The following KLF12 variants were observed in gnomAD, a reference collection of about 807,000 sequenced individuals.
KLF12 encodes the protein Krueppel-like factor 12.
Under a neutral mutation model 37.8 loss-of-function variants are expected in KLF12, and 9 were observed. That is an observed-to-expected ratio of 0.24 (90% CI 0.14 to 0.42). The LOEUF is 0.42. KLF12 is among the 10% of genes least tolerant of loss of function. The pLI, the probability that KLF12 is intolerant of heterozygous loss-of-function variation, is 1.00. For synonymous variants in KLF12, 208 were observed against 202.1 expected (o/e 1.03, Z -0.25); for missense variants, 411 against 516.0 (o/e 0.80, Z 1.97).
the KLF12 span, among the ~76,000 whole-genome samples, chr13:74,237,231 T>G: frequency 7.7e-6 from 1 of 130,178 alleles, no homozygotes; most frequent in African/African-American, 3.9e-5. Context: ...TTCTGAGGTT[T>G]GTCAAAGATC....
intron 6 of KLF12, among the ~76,000 whole-genome samples, chr13:73,757,204 A>G (rs1040501592): frequency 6.6e-6 from 1 of 152,196 alleles, no homozygotes; most frequent in Non-Finnish European, 1.5e-5. Context: ...CAGAGATAAC[A>G]GCCACAAGTA....
the KLF12 span, among the ~76,000 whole-genome samples, chr13:74,225,650 A>C: frequency 2.7e-3 from 406 of 152,260 alleles, 1 homozygote; most frequent in South Asian, 9.5e-3. Flanking sequence ...ACCCTTGGTA[A>C]TTTTGTTGCC....
the KLF12 span, among the ~76,000 whole-genome samples, chr13:74,303,458 A>G: frequency 6.6e-6 from 1 of 152,126 alleles, no homozygotes; most frequent in Non-Finnish European, 1.5e-5. Context: ...CTTTCTTTCT[A>G]ATAGTGACCC....
At chr13:73,897,160 C>T (rs1349123188) in intron 3 of KLF12, among the ~76,000 whole-genome samples, 1 of 151,874 alleles carries the variant, frequency 6.6e-6, no homozygotes, top group Non-Finnish European at 1.5e-5. Context: ...AAATTTACAG[C>T]ATATTGAAAA....
intron 4 of KLF12, among the ~76,000 whole-genome samples, chr13:73,815,777 C>T (rs74095761): frequency 0.067 from 10,245 of 152,150 alleles, 408 homozygotes; most frequent in African/African-American, 0.1. Flanking sequence ...ACAACTAGAG[C>T]TCTTATAGTA....
the KLF12 span, among the ~76,000 whole-genome samples, chr13:74,224,174 A>G: frequency 1.3e-5 from 2 of 152,258 alleles, no homozygotes; most frequent in South Asian, 2.1e-4. Flanking sequence ...TATACGCACT[A>G]ATGTGTTGAT....
intron 2 of KLF12, among the ~76,000 whole-genome samples, chr13:73,963,572 C>T (rs1333096624): frequency 1.3e-5 from 2 of 152,132 alleles, no homozygotes; most frequent in Admixed American, 1.3e-4. Context: ...GTTTTTGGAA[C>T]ATCTGTTTAT....
intron 1 of KLF12, among the ~76,000 whole-genome samples, chr13:74,050,109 G>A (rs905202543): frequency 1.3e-5 from 2 of 151,750 alleles, no homozygotes; most frequent in African/African-American, 4.8e-5. Context: ...GAGAAATTCA[G>A]AACATCTGGA....
chr13:73,755,619 C>T (rs67238332), intron 6 of KLF12, among the ~76,000 whole-genome samples: 11,066 of 79,706 alleles, frequency 0.14, 1,048 homozygotes, highest in African/African-American at 0.4. Context: ...CACTTTCTCT[C>T]TTTTTTTTTT....
chr13:73,963,806 T>C (rs1264189879), intron 2 of KLF12, among the ~76,000 whole-genome samples: 2 of 152,202 alleles, frequency 1.3e-5, no homozygotes, highest in East Asian at 1.9e-4. Flanking sequence ...TGAAAAAACA[T>C]TGTTTATATT....
At chr13:74,021,206 T>C (rs1892832479) in intron 1 of KLF12, among the ~76,000 whole-genome samples, 2 of 152,126 alleles carry the variant, frequency 1.3e-5, no homozygotes, top group African/African-American at 4.8e-5. Flanking sequence ...CAGTTTGATG[T>C]GTTATTAATA....
chr13:74,137,079 T>C (rs1332913272), upstream of KLF12, among the ~76,000 whole-genome samples: 1 of 152,174 alleles, frequency 6.6e-6, no homozygotes, highest in Non-Finnish European at 1.5e-5. Context: ...TATCTCCATA[T>C]AGAATTTAGA....
At chr13:73,881,810 C>A (rs1210875771) in intron 3 of KLF12, among the ~76,000 whole-genome samples, 1 of 152,130 alleles carries the variant, frequency 6.6e-6, no homozygotes, top group South Asian at 2.1e-4. Flanking sequence ...CACATCTAAT[C>A]CTGGTCCTAG....
intron 1 of KLF12, among the ~76,000 whole-genome samples, chr13:74,069,495 G>A (rs17062073): frequency 0.11 from 16,118 of 152,190 alleles, 1,295 homozygotes; most frequent in African/African-American, 0.2. Context: ...CAACACCACA[G>A]GTCCAGGTAC....
chr13:74,024,581 T>C lies in KLF12; in HGVS notation c.-31-29528A>G, dbSNP rs1892925591. On this transcript the variant is annotated intron_variant, in intron 1 of 7. Coordinates refer to ENST00000377669, the MANE Select transcript of KLF12 (RefSeq NM_007249.5). ...GGAGTGAAAATATTTTTCACCAAAA[T>C]AGTAATTCCATAGGTACAAATTAGT... Among the ~76,000 whole-genome samples the C allele has an allele frequency of 2.6e-5, 4 of 152,198 alleles. No homozygotes were observed. The South Asian group carries it at 8.3e-4, about 32-fold the overall frequency.
chr13:73,890,743 C>A, intron 3 of KLF12, among the ~76,000 whole-genome samples: 1 of 151,860 alleles, frequency 6.6e-6, no homozygotes, highest in South Asian at 2.1e-4. Flanking sequence ...AGATTCCAGT[C>A]AATCTGAGTC....
intron 7 of KLF12, among the ~76,000 whole-genome samples, chr13:73,707,260 G>C (rs553045480): frequency 6.6e-6 from 1 of 152,224 alleles, no homozygotes; most frequent in African/African-American, 2.4e-5. Flanking sequence ...GGATTTACAT[G>C]TGTGATGAGT....
chr13:74,151,649 T>A, the KLF12 span, among the ~76,000 whole-genome samples: 1 of 141,496 alleles, frequency 7.1e-6, no homozygotes, highest in African/African-American at 2.6e-5. Flanking sequence ...TGAGACCCCA[T>A]CTCAATAAAT....
chr13:73,840,835 C>G (rs1329945774), intron 4 of KLF12, among the ~76,000 whole-genome samples: 1 of 152,078 alleles, frequency 6.6e-6, no homozygotes, highest in African/African-American at 2.4e-5. Context: ...CTTCCCTCCC[C>G]CTACTTAAGC....
Sources: gnomAD v4.1 joint callset for allele counts (sites outside exome capture counted in the v4.1 genomes callset) on GRCh38, gnomAD v4.1.1 for gene constraint, MANE v1.5 for transcripts, NCBI Gene and HGNC (gene_info 2026-07-23, HGNC 2026-07-21) for gene names.